TAFA1: variants seen among roughly 807,000 people sequenced by gnomAD.
TAFA1 encodes chemokine-like protein TAFA-1.
Under a neutral mutation model 18.5 loss-of-function variants are expected in TAFA1, and 4 were observed. The ratio of observed to expected loss-of-function variants is 0.22; its 90% CI spans 0.11 to 0.49. TAFA1 has a LOEUF of 0.49. Ranked by LOEUF, TAFA1 falls within the 20% of genes least tolerant of loss-of-function variation. TAFA1 has a pLI of 0.98. For synonymous variants in TAFA1, 56 were observed against 55.2 expected (o/e 1.01, Z -0.06); for missense variants, 147 against 169.0 (o/e 0.87, Z 0.72).
chr3:68,345,125 C>G (rs962574232), intron 2 of TAFA1, among the ~76,000 whole-genome samples: 1 of 152,036 alleles, frequency 6.6e-6, no homozygotes, highest in Non-Finnish European at 1.5e-5. Flanking sequence ...AAATGTCCAC[C>G]TTCACAGTCT....
At chr3:68,472,797 G>A (rs1206811914) in intron 3 of TAFA1, among the ~76,000 whole-genome samples, 1 of 152,082 alleles carries the variant, frequency 6.6e-6, no homozygotes, top group Non-Finnish European at 1.5e-5. Context: ...CCTAATAAGT[G>A]ATAGCAACTT....
chr3:68,157,421 C>T (rs1051306858), intron 2 of TAFA1, among the ~76,000 whole-genome samples: 1 of 152,094 alleles, frequency 6.6e-6, no homozygotes, highest in Non-Finnish European at 1.5e-5. Context: ...ACTCATTTCT[C>T]CCAACTGCTG....
intron 2 of TAFA1, among the ~76,000 whole-genome samples, chr3:68,296,796 C>T (rs542884420): frequency 6.6e-6 from 1 of 152,292 alleles, no homozygotes; most frequent in East Asian, 1.9e-4. Context: ...ACAGACATGG[C>T]TGCTACCCTT....
At chr3:68,362,250 G>A (rs1575805444) in intron 2 of TAFA1, among the ~76,000 whole-genome samples, 1 of 152,090 alleles carries the variant, frequency 6.6e-6, no homozygotes, top group African/African-American at 2.4e-5. Context: ...GGACTGCAAG[G>A]TGTGTATTGG....
chr3:68,339,542 A>G (rs998559570), intron 2 of TAFA1, among the ~76,000 whole-genome samples: 2 of 152,236 alleles, frequency 1.3e-5, no homozygotes, highest in African/African-American at 2.4e-5. Context: ...TGTGTATTGA[A>G]AAAGTTTATT....
chr3:68,051,802 T>A (rs981369216), intron 2 of TAFA1, among the ~76,000 whole-genome samples: 80 of 152,248 alleles, frequency 5.3e-4, no homozygotes, highest in African/African-American at 1.6e-3. Context: ...TGTTTTTTTT[T>A]AACAACACTA....
chr3:68,450,407 C>T (rs1471781560), intron 3 of TAFA1, among the ~76,000 whole-genome samples: 1 of 152,174 alleles, frequency 6.6e-6, no homozygotes, highest in Non-Finnish European at 1.5e-5. Context: ...ACAAAGAGGT[C>T]TGAGTTACAA....
At chr3:68,449,416 G>A (rs373015253) in intron 3 of TAFA1, among the ~76,000 whole-genome samples, 47 of 152,154 alleles carry the variant, frequency 3.1e-4, no homozygotes, top group African/African-American at 9.9e-4. Flanking sequence ...GAATGTAGGC[G>A]GTATTTTACA....
the TAFA1 span, among the ~76,000 whole-genome samples, chr3:67,993,866 G>A: frequency 3.9e-5 from 6 of 152,122 alleles, no homozygotes; most frequent in African/African-American, 7.2e-5. Context: ...CAGGCACATA[G>A]CGTTCCTATA....
chr3:68,098,535 G>A (rs1167855754), intron 2 of TAFA1, among the ~76,000 whole-genome samples: 1 of 152,062 alleles, frequency 6.6e-6, no homozygotes, highest in East Asian at 1.9e-4. Context: ...GTGGCCTCTG[G>A]TGATATGCAA....
chr3:68,180,195 G>A (rs2066180066), intron 2 of TAFA1, among the ~76,000 whole-genome samples: 1 of 23,866 alleles, frequency 4.2e-5, no homozygotes, highest in South Asian at 2.7e-3. Flanking sequence ...ACCACACCTG[G>A]CTAATTTTTT....
chr3:68,311,310 A>ACGTT (rs1553673147), intron 2 of TAFA1, among the ~76,000 whole-genome samples: 124,951 of 152,072 alleles, frequency 0.82, 51,648 homozygotes, highest in East Asian at 0.92. Flanking sequence ...CTCAAATTTC[A>ACGTT]TCAAAACCAA....
chr3:68,264,694 T>TC lies in TAFA1; in HGVS notation c.119-152586_119-152585insC, dbSNP rs6147870. On this transcript the variant is annotated intron_variant, in intron 2 of 4. Transcript: ENST00000478136. ...AAGTCTTTATCAATGAAAGTCTTTA[T>TC]AGAAAGTATATATAGATAATTTCTA... Among the ~76,000 whole-genome samples the TC allele has an allele frequency of 1.1e-3, 158 of 147,258 alleles. 2 individuals carry two copies. Among genetic ancestry groups the TC allele is most frequent in the African/African-American group, 4.1e-3 (152 of 36,934 alleles).
intron 2 of TAFA1, among the ~76,000 whole-genome samples, chr3:68,186,405 G>A (rs891477066): frequency 2.0e-5 from 3 of 152,006 alleles, no homozygotes; most frequent in African/African-American, 7.2e-5. Flanking sequence ...ATTCCAATGT[G>A]ATGTTGTACT....
chr3:68,105,137 C>T (rs1269189886), intron 2 of TAFA1, among the ~76,000 whole-genome samples: 1 of 152,076 alleles, frequency 6.6e-6, no homozygotes, highest in African/African-American at 2.4e-5. Flanking sequence ...GATGAGAACT[C>T]ATTACTGTGA....
At chr3:68,367,602 C>A (rs575195734) in intron 2 of TAFA1, among the ~76,000 whole-genome samples, 1 of 152,104 alleles carries the variant, frequency 6.6e-6, no homozygotes, top group Non-Finnish European at 1.5e-5. Flanking sequence ...TAATATCTGA[C>A]GAAACTCATG....
At chr3:68,298,253 A>G (rs2068245685) in intron 2 of TAFA1, among the ~76,000 whole-genome samples, 1 of 152,134 alleles carries the variant, frequency 6.6e-6, no homozygotes, top group Non-Finnish European at 1.5e-5. Flanking sequence ...TTCTTGCAGG[A>G]GTTTGAACTA....
At chr3:68,185,038 T>C (rs1473520266) in intron 2 of TAFA1, among the ~76,000 whole-genome samples, 2 of 152,134 alleles carry the variant, frequency 1.3e-5, no homozygotes, top group African/African-American at 2.4e-5. Context: ...TCAGGGACTC[T>C]GCCAAGACAA....
intron 2 of TAFA1, among the ~76,000 whole-genome samples, chr3:68,179,663 T>C (rs1482877841): frequency 6.6e-6 from 1 of 152,220 alleles, no homozygotes; most frequent in Non-Finnish European, 1.5e-5. Flanking sequence ...CTTTGTAAAG[T>C]TTCCAAAGTA....
Sources: gnomAD v4.1 joint callset for allele counts (sites outside exome capture counted in the v4.1 genomes callset) on GRCh38, gnomAD v4.1.1 for gene constraint, MANE v1.5 for transcripts, NCBI Gene and HGNC (gene_info 2026-07-23, HGNC 2026-07-21) for gene names.